The following MAFK variants were observed in gnomAD, a reference collection of about 807,000 sequenced individuals.
The protein encoded by MAFK is transcription factor MafK.
MAFK carries 1 observed loss-of-function variant against 9.2 expected under a neutral mutation model. The ratio of observed to expected loss-of-function variants is 0.11; its 90% CI spans 0.04 to 0.52. The LOEUF (loss-of-function observed/expected upper bound fraction) is 0.52. Among genes scored for constraint, MAFK ranks in the 20% least tolerant of loss-of-function variants. The pLI, the probability that MAFK is intolerant of heterozygous loss-of-function variation, is 0.94. For synonymous variants in MAFK, 110 were observed against 107.4 expected, an observed-to-expected ratio of 1.02 and a Z score of -0.15; for missense variants, 207 against 236.0, an observed-to-expected ratio of 0.88 and a Z score of 0.81.
rs558426297 is a variant in MAFK at position 1,536,007 on chromosome 7, C to T, written c.-44-3142C>T. Among the ~76,000 whole-genome samples the T allele has an allele frequency of 1.3e-4, 20 of 152,378 alleles. No individual in the cohort carries two copies. The East Asian group carries it at 3.3e-3, about 25-fold the overall frequency. ...CCCCGCTGAGCCTTGTTTAGTTCTGCGTCACGTCGAGGTGTCTGGCCTTGG... is the reference window on the plus strand; with the variant it reads ...CCCCGCTGAGCCTTGTTTAGTTCTGTGTCACGTCGAGGTGTCTGGCCTTGG... On this transcript the variant is annotated intron_variant, in intron 1 of 2. Coordinates refer to ENST00000343242, the MANE Select transcript of MAFK (RefSeq NM_002360.4).
chr7:1,540,562 AGAG>A lies in MAFK; in HGVS notation c.*188_*190del. The A allele has an allele frequency of 1.6e-6, 1 of 626,008 alleles. No individual in the cohort carries two copies. The highest frequency in any genetic ancestry group is 2.7e-6 in the Non-Finnish European group (1 of 372,788). 38.8% of individuals were successfully genotyped at this position (626,008 alleles called of 1,614,324 possible). A position where few individuals can be genotyped will look rare whatever the true frequency, so the allele number is the denominator to read the frequency against. On this transcript the variant is annotated 3_prime_UTR_variant, in exon 3 of 3. Transcript: ENST00000343242. The stretch of plus-strand genomic sequence containing the variant: ...GTGAAGAGTGGGCTCCCGTGGGCCC[AGAG>A]CTGCACGCCGGTCCACAGACACACT...
In MAFK at chr7:1,540,132, G is replaced by T; in HGVS notation, c.228G>T (p.Lys76Asn). 6.4e-7 allele frequency: 1 copy of T among 1,573,736 alleles called. No individual in the cohort carries two copies. The highest frequency in any genetic ancestry group is 8.6e-7 in the Non-Finnish European group (1 of 1,159,554). Residue 76 changes from lysine (K) to asparagine (N), a missense_variant, in exon 3 of 3, where the codon AAG becomes AAT. By Grantham distance (94) the Lys-to-Asn change is moderately conservative (BLOSUM62 0). Coordinates refer to ENST00000343242, the MANE Select transcript of MAFK (RefSeq NM_002360.4). Reference sequence around the variant, plus strand: ...GCCGCATCAAGCGGGTGACGCAGAAGGAGGAGCTGGAGCGGCAGCGCGTGG... The same window carrying T: ...GCCGCATCAAGCGGGTGACGCAGAATGAGGAGCTGGAGCGGCAGCGCGTGG... Reference protein sequence around the residue: ...ASCRIKRVTQKEELERQRVEL... With the variant: ...ASCRIKRVTQNEELERQRVEL...
intron 1 of MAFK, chr7:1,537,338 C>G: frequency 2.0e-6 from 2 of 975,744 alleles, no homozygotes; most frequent in Non-Finnish European, 2.4e-6. Context: ...TGGGAATGCG[C>G]GCGGCTCTGT....
intron 1 of MAFK, chr7:1,538,302 G>T: frequency 1.0e-6 from 1 of 985,554 alleles, no homozygotes; most frequent in Non-Finnish European, 1.2e-6. Flanking sequence ...CAAATGCTCG[G>T]CAGGGCGGCG....
Position 1,539,185 on chromosome 7 carries a change from C to T in MAFK, c.-8C>T, listed in dbSNP as rs765608429. The T allele has an allele frequency of 6.2e-7, 1 of 1,612,616 alleles. No homozygotes were observed. The highest frequency in any genetic ancestry group is 1.1e-5 in the South Asian group (1 of 90,992). On this transcript the variant is annotated 5_prime_UTR_variant, in exon 2 of 3. Transcript: ENST00000343242. ...AGGGAGCTCTGTCCTGGTGACCGTG[C>T]CCGGGTTATGACGACTAATCCCAAA...
rs1257482733 is a variant in MAFK, at chr7:1,538,159, C to T, written c.-44-990C>T. The T allele has an allele frequency of 4.5e-5, 25 of 560,772 alleles. 1 individual carries two copies. The South Asian group carries it at 4.6e-4, about 10-fold the overall frequency. 34.7% of individuals were successfully genotyped at this position (560,772 alleles called of 1,614,324 possible). A position where few individuals can be genotyped will look rare whatever the true frequency, so the allele number is the denominator to read the frequency against. On this transcript the variant is annotated intron_variant, in intron 1 of 2. Transcript: ENST00000343242. ...GTGGGGGCTGGCTCGGTCCCAAGGTCGCCATGGCAACTATCGGAGGGCTCA... is the reference window on the plus strand; with the variant it reads ...GTGGGGGCTGGCTCGGTCCCAAGGTTGCCATGGCAACTATCGGAGGGCTCA...
intron 1 of MAFK, chr7:1,538,343 G>C: frequency 1.0e-6 from 1 of 984,866 alleles, no homozygotes; most frequent in Non-Finnish European, 1.2e-6. Context: ...TCTGGCTGCG[G>C]CCCCCGGACC....
intron 1 of MAFK, among the ~76,000 whole-genome samples, chr7:1,533,026 C>T (rs1043977907): frequency 1.3e-5 from 2 of 152,236 alleles, no homozygotes; most frequent in Non-Finnish European, 2.9e-5. Flanking sequence ...GTCATGTTTC[C>T]GCTTTCCTAC....
In MAFK at chr7:1,534,383, C is replaced by A; in HGVS notation, c.-45+3485C>A. The stretch of plus-strand genomic sequence containing the variant: ...GCGGCCCAGTGTGGAGGGCACCCGG[C>A]TTGGGGTCTCTGGCAGAAAGGCTCC... On this transcript the variant is annotated intron_variant, in intron 1 of 2. Coordinates refer to ENST00000343242, the MANE Select transcript of MAFK (RefSeq NM_002360.4). This position sits in a 1 kb window ranked among gnomAD's most constrained non-coding sequence, Gnocchi z 4.3. The A allele has an allele frequency of 2.3e-6, 1 of 444,112 alleles. No homozygotes were observed. The highest frequency in any genetic ancestry group is 3.3e-4 in the Middle Eastern group (1 of 3,026). The allele number at this position is 444,112 out of a possible 1,614,324, so 27.5% of individuals were successfully genotyped here. A position where few individuals can be genotyped will look rare whatever the true frequency, so the allele number is the denominator to read the frequency against.
intron 2 of MAFK, 98 bp downstream of exon 2, chr7:1,539,326 G>C: frequency 2.1e-6 from 2 of 970,068 alleles, no homozygotes; most frequent in South Asian, 3.0e-5. Flanking sequence ...CTGAGCCTGT[G>C]ATGGAGGCCT....
In MAFK at chr7:1,540,248, A is replaced by T. The variant is rs1355653681; in HGVS notation, c.344A>T (p.Gln115Leu). The T allele has an allele frequency of 6.2e-7, 1 of 1,609,028 alleles. No individual in the cohort carries two copies. Among genetic ancestry groups the T allele is most frequent in the East Asian group, 2.2e-5 (1 of 44,606 alleles). ...DALRSKYEALQTFARTVARGP... is the reference protein window; with the variant it reads ...DALRSKYEALLTFARTVARGP... ...CTGCGCTCCAAGTACGAGGCGCTGCAGACCTTCGCGCGCACCGTGGCCCGG... is the reference window on the plus strand; with the variant it reads ...CTGCGCTCCAAGTACGAGGCGCTGCTGACCTTCGCGCGCACCGTGGCCCGG... Residue 115 changes from glutamine (Q) to leucine (L), a missense_variant, in exon 3 of 3, where the codon CAG becomes CTG. Coordinates refer to ENST00000343242, the MANE Select transcript of MAFK (RefSeq NM_002360.4).
Position 1,540,868 on chromosome 7 carries a change from CCCGGGGAG to C in MAFK, c.*494_*501del. ...CACTGCCCTGACCGACTCCGCAGTC[CCCGGGGAG>C]GAGCATGGATGGTGTGTCGGCAGCT... On this transcript the variant is annotated 3_prime_UTR_variant, in exon 3 of 3. Coordinates refer to ENST00000343242, the MANE Select transcript of MAFK (RefSeq NM_002360.4). 1 of 161,374 alleles carries C rather than the reference CCCGGGGAG, an allele frequency of 6.2e-6. No homozygotes were observed. Among genetic ancestry groups the C allele is most frequent in the Non-Finnish European group, 1.3e-5 (1 of 74,076 alleles). 10.0% of individuals were successfully genotyped at this position (161,374 alleles called of 1,614,324 possible). A position where few individuals can be genotyped will look rare whatever the true frequency, so the allele number is the denominator to read the frequency against.
Position 1,534,485 on chromosome 7 carries a change from C to T in MAFK, c.-45+3587C>T, listed in dbSNP as rs114504056. On this transcript the variant is annotated intron_variant, in intron 1 of 2. Coordinates refer to ENST00000343242, the MANE Select transcript of MAFK (RefSeq NM_002360.4). This position sits in a 1 kb window ranked among gnomAD's most constrained non-coding sequence, Gnocchi z 4.3. Reference sequence around the variant, plus strand: ...GCCGTGGGAGTCACTGGTCGGGGGGCGGGAGGGCGCTTGCTGCTGTGCTGC... The same window carrying T: ...GCCGTGGGAGTCACTGGTCGGGGGGTGGGAGGGCGCTTGCTGCTGTGCTGC... 4,334 of 438,626 alleles carry T rather than the reference C, an allele frequency of 9.9e-3. 158 individuals carry two copies. Among genetic ancestry groups the T allele is most frequent in the African/African-American group, 0.076 (3,777 of 49,818 alleles). The allele number at this position is 438,626 out of a possible 1,614,324, so 27.2% of individuals were successfully genotyped here. A position where few individuals can be genotyped will look rare whatever the true frequency, so the allele number is the denominator to read the frequency against.
rs543506128 is a variant in MAFK at position 1,540,255 on chromosome 7, C to T, written c.351C>T (p.Phe117=). The T allele has an allele frequency of 2.9e-5, 47 of 1,609,698 alleles. No homozygotes were observed. The highest frequency in any genetic ancestry group is 2.7e-4 in the South Asian group (24 of 90,402). ...LRSKYEALQT[F]ARTVARGPVA... is the part of the protein sequence containing the mutation. ...CCAAGTACGAGGCGCTGCAGACCTT[C>T]GCGCGCACCGTGGCCCGGGGACCTG... The change falls in exon 3 of 3, where the codon TTC becomes TTT. Residue 117 remains phenylalanine (F), a synonymous_variant. Coordinates refer to ENST00000343242, the MANE Select transcript of MAFK (RefSeq NM_002360.4).
chr7:1,538,117 C>T (rs545174152), intron 1 of MAFK: 47 of 255,062 alleles, frequency 1.8e-4, no homozygotes, highest in African/African-American at 8.9e-4. Flanking sequence ...TTGGGCTTCT[C>T]GGTTTCCATG....
Position 1,540,524 on chromosome 7 carries a change from A to G in MAFK, c.*149A>G. ...CGCAGGCAGCTCACACCAGGAAGAG[A>G]CTGTATTGCAGGGTGAAGAGTGGGC... On this transcript the variant is annotated 3_prime_UTR_variant, in exon 3 of 3. Coordinates refer to ENST00000343242, the MANE Select transcript of MAFK (RefSeq NM_002360.4). 2 of 813,762 alleles carry G rather than the reference A, an allele frequency of 2.5e-6. No homozygotes were observed. The highest frequency in any genetic ancestry group is 3.7e-6 in the Non-Finnish European group (2 of 534,834). 50.4% of individuals were successfully genotyped at this position (813,762 alleles called of 1,614,324 possible).
At chr7:1,536,143 G>A (rs891001600) in intron 1 of MAFK, among the ~76,000 whole-genome samples, 13 of 152,334 alleles carry the variant, frequency 8.5e-5, no homozygotes, top group Admixed American at 3.9e-4. Context: ...GACGTGGGGC[G>A]TGAGCGCTGC....
chr7:1,534,437 C>T lies in MAFK; in HGVS notation c.-45+3539C>T, dbSNP rs1162870522. The T allele has an allele frequency of 2.3e-6, 1 of 433,946 alleles. No homozygotes were observed. The highest frequency in any genetic ancestry group is 7.2e-5 in the East Asian group (1 of 13,952). The allele number at this position is 433,946 out of a possible 1,614,324, so 26.9% of individuals were successfully genotyped here. ...GAGAGGCGGGTACACCTTGGGTGGC[C>T]TCTGGTTTTGTGGATTGCACCTGCC... On this transcript the variant is annotated intron_variant, in intron 1 of 2. Coordinates refer to ENST00000343242, the MANE Select transcript of MAFK (RefSeq NM_002360.4). The surrounding 1 kb of genome is among the most constrained non-coding windows in gnomAD (Gnocchi z 4.3).
rs1000689717 is a variant in MAFK, at chr7:1,534,169, T to C, written c.-45+3271T>C. Reference sequence around the variant, plus strand: ...GCTGCGGGGTGCCAAGTGGGGTGCCTCCCGCATGCTTAGTGGGGCTGTGTC... The same window carrying C: ...GCTGCGGGGTGCCAAGTGGGGTGCCCCCCGCATGCTTAGTGGGGCTGTGTC... On this transcript the variant is annotated intron_variant, in intron 1 of 2. Transcript: ENST00000343242. The surrounding 1 kb of genome is among the most constrained non-coding windows in gnomAD (Gnocchi z 4.3). 2.2e-6 allele frequency: 1 copy of C among 448,458 alleles called. No homozygotes were observed. Among genetic ancestry groups the C allele is most frequent in the African/African-American group, 2.0e-5 (1 of 49,846 alleles). 27.8% of individuals were successfully genotyped at this position (448,458 alleles called of 1,614,324 possible).
Sources: allele counts gnomAD v4.1 joint callset (sites outside exome capture counted in the v4.1 genomes callset), GRCh38; gene constraint gnomAD v4.1.1; non-coding constraint Gnocchi (gnomAD v3.1); transcripts MANE v1.5; gene names NCBI Gene and HGNC (gene_info 2026-07-23, HGNC 2026-07-21).